The following TRPM4 variants were observed in gnomAD, a reference collection of about 807,000 sequenced individuals.
TRPM4 encodes the protein calcium-activated non-selective cation channel 1.
A neutral mutation model predicts 135.6 loss-of-function variants in TRPM4; 124 were observed. That is an observed-to-expected ratio of 0.91 (90% CI 0.79 to 1.06). The LOEUF (loss-of-function observed/expected upper bound fraction) is 1.06. TRPM4 is among the 50% of genes least tolerant of loss of function. TRPM4 has a pLI of 0.00. For missense variants in TRPM4, 1,658 were observed against 1,671.4 expected, an observed-to-expected ratio of 0.99 and a Z score of 0.14; for synonymous variants, 745 against 705.6, an observed-to-expected ratio of 1.06 and a Z score of -0.88.
chr19:49,211,634 G>A lies in TRPM4; in HGVS notation c.*136G>A. On this transcript the variant is annotated 3_prime_UTR_variant, in exon 25 of 25. Coordinates refer to ENST00000252826, the MANE Select transcript of TRPM4 (RefSeq NM_017636.4). This position sits in a 1 kb window ranked among gnomAD's most constrained non-coding sequence, Gnocchi z 4.8. ...CCCATGTCCATCTGGGCCACTGTCAGGACCACCTTTGGGAGTGTCATCCTT... is the reference window on the plus strand; with the variant it reads ...CCCATGTCCATCTGGGCCACTGTCAAGACCACCTTTGGGAGTGTCATCCTT... The A allele has an allele frequency of 8.8e-7, 1 of 1,139,542 alleles. No homozygotes were observed. The highest frequency in any genetic ancestry group is 1.2e-5 in the South Asian group (1 of 81,336). 70.6% of individuals were successfully genotyped at this position (1,139,542 alleles called of 1,614,324 possible).
Position 49,210,066 on chromosome 19 carries a change from C to A in TRPM4, c.3132-143C>A. The A allele has an allele frequency of 1.0e-6, 1 of 953,508 alleles. No individual in the cohort carries two copies. The highest frequency in any genetic ancestry group is 1.7e-6 in the Non-Finnish European group (1 of 594,112). The allele number at this position is 953,508 out of a possible 1,614,324, so 59.1% of individuals were successfully genotyped here. A position where few individuals can be genotyped will look rare whatever the true frequency, so the allele number is the denominator to read the frequency against. On this transcript the variant is annotated intron_variant, in intron 20 of 24. Transcript: ENST00000252826. This position sits in a 1 kb window ranked among gnomAD's most constrained non-coding sequence, Gnocchi z 4.1. The stretch of plus-strand genomic sequence containing the variant: ...CCTTGGCTCTAACCTGACTTCTAAT[C>A]GCATCCTGTAACCTCTGACTTTAGT...
rs879513212 is a variant in TRPM4, at chr19:49,182,242, A to ATCTG, written c.1264-334_1264-333insTGTC. On this transcript the variant is annotated intron_variant, in intron 10 of 24. Transcript: ENST00000252826. ...CATCCATCCATCCATCCATCTATCCATCCATCCATCTGTCCATCCATTCAT... is the reference window on the plus strand; with the variant it reads ...CATCCATCCATCCATCCATCTATCCATCTGTCCATCCATCTGTCCATCCATTCAT... Among the ~76,000 whole-genome samples the ATCTG allele has an allele frequency of 0.25, 35,797 of 143,904 alleles. 5,382 individuals are homozygous for ATCTG. The highest frequency in any genetic ancestry group is 0.31 in the South Asian group (1,412 of 4,492). The allele number at this position is 143,904 out of a possible 152,430, so 94.4% of individuals were successfully genotyped here.
chr19:49,198,373 G>A (rs896755061), intron 17 of TRPM4, among the ~76,000 whole-genome samples: 34 of 152,062 alleles, frequency 2.2e-4, no homozygotes, highest in African/African-American at 8.0e-4. Flanking sequence ...CGGGCCTGGC[G>A]TGGTGGCTCA....
chr19:49,211,482 C>T lies in TRPM4; in HGVS notation c.3641-12C>T. 6.2e-7 allele frequency: 1 copy of T among 1,614,064 alleles called. No homozygotes were observed. Among genetic ancestry groups the T allele is most frequent in the Non-Finnish European group, 8.5e-7 (1 of 1,180,044 alleles). On this transcript the variant is annotated splice_polypyrimidine_tract_variant and intron_variant, in intron 24 of 24. Coordinates refer to ENST00000252826, the MANE Select transcript of TRPM4 (RefSeq NM_017636.4). This position sits in a 1 kb window ranked among gnomAD's most constrained non-coding sequence, Gnocchi z 4.8. ...GCCAATCACCTGCTCTCTCTTTTCTCTCTTCCCCCAGACTGAGCCCTGCTG... is the reference window on the plus strand; with the variant it reads ...GCCAATCACCTGCTCTCTCTTTTCTTTCTTCCCCCAGACTGAGCCCTGCTG...
rs746695564 is a variant in TRPM4 at position 49,167,948 on chromosome 19, C to A, written c.299C>A (p.Ala100Asp). ...FLRLSDRTDP[A>D]AVYSLVTRTW... ...CGGCTCTCTGACCGAACGGATCCAG[C>A]TGCAGTTTATAGTCTGGTCACACGC... is the stretch of plus-strand genomic sequence containing the variant. The change falls in exon 4 of 25, where the codon GCT becomes GAT. Residue 100 changes from alanine to aspartate, a missense_variant. Transcript: ENST00000252826. The A allele has an allele frequency of 1.9e-6, 3 of 1,614,170 alleles. No homozygotes were observed. The East Asian group carries it at 6.7e-5, about 36-fold the overall frequency.
intron 2 of TRPM4, among the ~76,000 whole-genome samples, 180 bp from the exon 3 acceptor site, chr19:49,165,861 C>G (rs1013736391): frequency 1.7e-4 from 26 of 152,192 alleles, no homozygotes; most frequent in Non-Finnish European, 2.2e-4. Flanking sequence ...GGGGACCGTC[C>G]TCGGCTCCAG....
Position 49,183,198 on chromosome 19 carries a change from T to C in TRPM4, c.1729T>C (p.Tyr577His). ...GCTGAACAGGGCACAGATGGCCATG[T>C]ACTTCTGGGAGATGGTGAGTGCTGA... is the stretch of plus-strand genomic sequence containing the variant. ...LLLNRAQMAM[Y>H]FWEMGSNAVS... is the part of the protein sequence containing the mutation. The change falls in exon 12 of 25, where the codon TAC (tyrosine) becomes CAC (histidine). Residue 577 changes from tyrosine to histidine, a missense_variant. Physicochemically the swap from Tyr to His is moderately conservative, Grantham distance 83 (BLOSUM62 2). This residue lies in a region of TRPM4 where 1,412 missense variants were observed against 1,408.7 expected (regional missense o/e 1.00). Transcript: ENST00000252826. 6.2e-7 allele frequency: 1 copy of C among 1,614,166 alleles called. No individual in the cohort carries two copies. The highest frequency in any genetic ancestry group is 8.5e-7 in the Non-Finnish European group (1 of 1,180,030).
intron 20 of TRPM4, among the ~76,000 whole-genome samples, chr19:49,208,890 C>T (rs112422586): frequency 0.056 from 8,246 of 148,466 alleles, 680 homozygotes; most frequent in African/African-American, 0.18. Flanking sequence ...ACCCAGGAGG[C>T]GGAGCTTGCA....
chr19:49,165,011 A>C (rs1303308538), intron 2 of TRPM4, among the ~76,000 whole-genome samples: 1 of 151,834 alleles, frequency 6.6e-6, no homozygotes, highest in African/African-American at 2.4e-5. Flanking sequence ...CCAAAGTGCT[A>C]GGATTACAGG....
rs549657556 is a variant in TRPM4, at chr19:49,187,527, T to A, written c.1744-1114T>A. Among the ~76,000 whole-genome samples the A allele has an allele frequency of 3.7e-3, 552 of 151,066 alleles. 4 individuals carry two copies. The highest frequency in any genetic ancestry group is 0.013 in the African/African-American group (521 of 40,734). On this transcript the variant is annotated intron_variant, in intron 12 of 24. Transcript: ENST00000252826. ...GCCTGGCTAACTAAAAAAAAAAAAA[T>A]TTTGTAGAGATGGAGTCTCACCATG... is the stretch of plus-strand genomic sequence containing the variant.
chr19:49,192,798 C>G (rs550408844), intron 16 of TRPM4, among the ~76,000 whole-genome samples: 2 of 151,936 alleles, frequency 1.3e-5, no homozygotes, highest in African/African-American at 2.4e-5. Context: ...ACCTACCTAA[C>G]AAACCTGCAC....
intron 17 of TRPM4, among the ~76,000 whole-genome samples, chr19:49,199,411 T>A (rs1968829964): frequency 6.6e-6 from 1 of 152,126 alleles, no homozygotes; most frequent in African/African-American, 2.4e-5. Context: ...GGTGCCTGCC[T>A]CCACGCCCGG....
At chr19:49,180,537 G>A (rs560430579) in intron 9 of TRPM4, among the ~76,000 whole-genome samples, 1 of 151,008 alleles carries the variant, frequency 6.6e-6, no homozygotes, top group Non-Finnish European at 1.5e-5. Flanking sequence ...TCGCACCTTA[G>A]GGGCATACCT....
At chr19:49,172,136 CCT>C in intron 9 of TRPM4, 28 bp downstream of exon 9, 2 of 1,554,558 alleles carry the variant, frequency 1.3e-6, no homozygotes, top group Non-Finnish European at 1.8e-6. Flanking sequence ...CAGTCTTCCC[CCT>C]CTCTCAGTTC....
Position 49,188,980 on chromosome 19 carries a change from G to A in TRPM4, c.1908G>A (p.Val636=), listed in dbSNP as rs950364050. The A allele has an allele frequency of 3.7e-6, 6 of 1,614,056 alleles. No individual in the cohort carries two copies. The African/African-American group carries it at 5.3e-5, about 14-fold the overall frequency. Reference sequence around the variant, plus strand: ...GCGAGTGCTATCGCAGCAGTGAGGTGAGGGCTGCCCGCCTCCTCCTCCGTC... The same window carrying A: ...GCGAGTGCTATCGCAGCAGTGAGGTAAGGGCTGCCCGCCTCCTCCTCCGTC... ...LFGECYRSSE[V]RAARLLLRRC... Residue 636 remains valine, a synonymous_variant, in exon 14 of 25, where the codon GTG becomes GTA. Transcript: ENST00000252826.
At chr19:49,198,546 G>A (rs926713219) in intron 17 of TRPM4, among the ~76,000 whole-genome samples, 28 of 151,802 alleles carry the variant, frequency 1.8e-4, no homozygotes, top group Admixed American at 9.2e-4. Flanking sequence ...TACTCGGGAG[G>A]CTGAGGCAGG....
chr19:49,198,242 A>G (rs1968772211), intron 17 of TRPM4, among the ~76,000 whole-genome samples: 2 of 152,206 alleles, frequency 1.3e-5, no homozygotes, highest in African/African-American at 4.8e-5. Flanking sequence ...GACTTTTGAG[A>G]TGAAAGGGCT....
chr19:49,172,454 C>T (rs1008724862), intron 9 of TRPM4, among the ~76,000 whole-genome samples: 3 of 152,170 alleles, frequency 2.0e-5, no homozygotes, highest in Non-Finnish European at 1.5e-5. Context: ...ATCCACACAT[C>T]CACTGACAAT....
At chr19:49,187,371 G>T (rs1968236820) in intron 12 of TRPM4, among the ~76,000 whole-genome samples, 1 of 152,038 alleles carries the variant, frequency 6.6e-6, no homozygotes, top group African/African-American at 2.4e-5. Flanking sequence ...TAGAGACAGG[G>T]TCTTCCTCAG....
Sources: allele counts gnomAD v4.1 joint callset (sites outside exome capture counted in the v4.1 genomes callset), GRCh38; gene constraint gnomAD v4.1.1; regional missense constraint gnomAD v4.1.1; non-coding constraint Gnocchi (gnomAD v3.1); transcripts MANE v1.5; gene names NCBI Gene and HGNC (gene_info 2026-07-23, HGNC 2026-07-21).